HCRTR2: variants seen among roughly 807,000 people sequenced by gnomAD.
HCRTR2 encodes the protein orexin receptor type 2.
HCRTR2 carries 22 observed loss-of-function variants against 49.0 expected under a neutral mutation model. The observed-to-expected ratio is 0.45, with a 90% CI of 0.32 to 0.64. The LOEUF is 0.64. Among genes scored for constraint, HCRTR2 ranks in the 30% least tolerant of loss-of-function variants. The probability of loss-of-function intolerance (pLI) is 0.04; values close to 1 mark genes in which losing one functional copy is unlikely to be tolerated. For synonymous variants in HCRTR2, 236 were observed against 205.3 expected, an observed-to-expected ratio of 1.15 and a Z score of -1.28; for missense variants, 491 against 559.4, an observed-to-expected ratio of 0.88 and a Z score of 1.23.
At chr6:55,108,524 G>T (rs1488540102) in intron 1 of HCRTR2, among the ~76,000 whole-genome samples, 1 of 151,642 alleles carries the variant, frequency 6.6e-6, no homozygotes, top group African/African-American at 2.4e-5. Flanking sequence ...TCTAGGTAAG[G>T]TTAAATCCTT....
In HCRTR2 at chr6:55,251,520, T is replaced by A. The variant is rs73443257; in HGVS notation, c.402+2703T>A. ...AGCATTGGTTACTTTTTCAGAGTGATTTTTTTTAACTGCAGAAGACGCCCT... is the reference window on the plus strand; with the variant it reads ...AGCATTGGTTACTTTTTCAGAGTGAATTTTTTTAACTGCAGAAGACGCCCT... On this transcript the variant is annotated intron_variant, in intron 2 of 6. Transcript: ENST00000370862. Among the ~76,000 whole-genome samples the A allele has an allele frequency of 2.2e-3, 331 of 149,084 alleles. 1 individual carries two copies. Among genetic ancestry groups the A allele is most frequent in the African/African-American group, 7.9e-3 (308 of 38,824 alleles).
intron 1 of HCRTR2, among the ~76,000 whole-genome samples, chr6:55,181,978 A>G (rs755333119): frequency 2.6e-5 from 4 of 152,230 alleles, no homozygotes; most frequent in Non-Finnish European, 4.4e-5. Context: ...AGTCTTTTTC[A>G]GTAGACAGAA....
At chr6:55,226,723 T>G (rs943549724) in intron 1 of HCRTR2, among the ~76,000 whole-genome samples, 43 of 137,782 alleles carry the variant, frequency 3.1e-4, no homozygotes, top group Admixed American at 2.6e-3. Flanking sequence ...TTTTTTTTTT[T>G]TTTTTTTTTT....
chr6:55,183,601 A>G (rs1765169061), intron 1 of HCRTR2, among the ~76,000 whole-genome samples: 1 of 152,214 alleles, frequency 6.6e-6, no homozygotes, highest in African/African-American at 2.4e-5. Context: ...CCATGAGAGC[A>G]TTTTGAGGAA....
At chr6:55,121,123 C>A (rs563704905) in intron 1 of HCRTR2, among the ~76,000 whole-genome samples, 1 of 152,208 alleles carries the variant, frequency 6.6e-6, no homozygotes, top group Admixed American at 6.6e-5. Context: ...AATGTTCTTC[C>A]ATTTGTTTGT....
Position 55,248,788 on chromosome 6 carries a change from T to C in HCRTR2, c.373T>C (p.Ser125Pro), listed in dbSNP as rs1766493989. 6.2e-7 allele frequency: 1 copy of C among 1,613,316 alleles called. No homozygotes were observed. Among genetic ancestry groups the C allele is most frequent in the Non-Finnish European group, 8.5e-7 (1 of 1,179,482 alleles). Residue 125 changes from serine (S) to proline (P), a missense_variant, in exon 2 of 7, where the codon TCC becomes CCC. By Grantham distance (74) the Ser-to-Pro change is moderately conservative. Coordinates refer to ENST00000370862, the MANE Select transcript of HCRTR2 (RefSeq NM_001384272.1). Reference protein sequence around the residue: ...DITETWFFGQSLCKVIPYLQT... With the variant: ...DITETWFFGQPLCKVIPYLQT... ...CACTGAGACCTGGTTTTTTGGACAG[T>C]CCCTTTGCAAAGTGATTCCTTATCT...
chr6:55,244,553 C>A (rs1026761124), intron 1 of HCRTR2, among the ~76,000 whole-genome samples: 1 of 152,004 alleles, frequency 6.6e-6, no homozygotes, highest in East Asian at 1.9e-4. Flanking sequence ...GCTTATACTT[C>A]AGAGAAGCAC....
intron 1 of HCRTR2, among the ~76,000 whole-genome samples, chr6:55,138,907 A>G (rs1023445706): frequency 6.6e-6 from 1 of 152,236 alleles, no homozygotes; most frequent in African/African-American, 2.4e-5. Flanking sequence ...AATAAAGCAC[A>G]GTAACAGGAC....
chr6:55,142,201 AT>A (rs1004230733), intron 1 of HCRTR2, among the ~76,000 whole-genome samples: 99 of 146,144 alleles, frequency 6.8e-4, no homozygotes, highest in South Asian at 4.1e-3. Context: ...TTAAAAAAAA[AT>A]TTTTTTTTTT....
At chr6:55,153,199 C>T (rs1039671039) in intron 1 of HCRTR2, among the ~76,000 whole-genome samples, 2 of 152,118 alleles carry the variant, frequency 1.3e-5, no homozygotes, top group South Asian at 4.1e-4. Context: ...GCTCTCTGTT[C>T]TGTTCTATTG....
intron 1 of HCRTR2, among the ~76,000 whole-genome samples, chr6:55,200,235 TTGTGTGTGTGTGTG>T (rs34710192): frequency 2.1e-3 from 285 of 135,384 alleles, no homozygotes; most frequent in African/African-American, 6.3e-3. Flanking sequence ...GTTTGCTGTC[TTGTGTGTGTGTGTG>T]TGTGTGTGTG....
chr6:55,154,369 T>A (rs187716820), intron 1 of HCRTR2, among the ~76,000 whole-genome samples: 10 of 151,800 alleles, frequency 6.6e-5, no homozygotes, highest in African/African-American at 2.4e-4. Context: ...TATGCAAAAA[T>A]CCTCAGTAAA....
chr6:55,116,724 A>AAAAAAAAAAAC (rs372864594), intron 1 of HCRTR2, among the ~76,000 whole-genome samples: 1 of 144,156 alleles, frequency 6.9e-6, no homozygotes, highest in Admixed American at 7.0e-5. Context: ...AGAAAAAAAA[A>AAAAAAAAAAAC]AAAACTCTTA....
intron 1 of HCRTR2, among the ~76,000 whole-genome samples, chr6:55,121,248 A>T (rs1422742792): frequency 1.3e-5 from 2 of 151,984 alleles, no homozygotes; most frequent in Non-Finnish European, 1.5e-5. Context: ...TGTGAATGGG[A>T]GTTCACTCAT....
At chr6:55,209,167 G>T (rs1186671251) in intron 1 of HCRTR2, among the ~76,000 whole-genome samples, 3 of 152,072 alleles carry the variant, frequency 2.0e-5, no homozygotes, top group South Asian at 2.1e-4. Flanking sequence ...TATATTATTG[G>T]CATGCTTCAG....
chr6:55,210,497 T>C (rs1033646925), intron 1 of HCRTR2, among the ~76,000 whole-genome samples: 9 of 152,076 alleles, frequency 5.9e-5, no homozygotes, highest in Non-Finnish European at 1.3e-4. Flanking sequence ...AATTCAAAAG[T>C]GGTAACTCAT....
At chr6:55,185,124 A>G (rs1440590215) in intron 1 of HCRTR2, among the ~76,000 whole-genome samples, 1 of 152,232 alleles carries the variant, frequency 6.6e-6, no homozygotes, top group Non-Finnish European at 1.5e-5. Flanking sequence ...AAAAATAGAT[A>G]AAAACTTAGC....
chr6:55,193,543 T>C (rs1765357584), intron 1 of HCRTR2, among the ~76,000 whole-genome samples: 1 of 151,434 alleles, frequency 6.6e-6, no homozygotes, highest in East Asian at 1.9e-4. Flanking sequence ...TTTCTTTTTT[T>C]TTTTTTTCCT....
chr6:55,270,812 G>T (rs962480129), intron 4 of HCRTR2, among the ~76,000 whole-genome samples: 1 of 152,038 alleles, frequency 6.6e-6, no homozygotes, highest in East Asian at 1.9e-4. Flanking sequence ...AACACTTTTG[G>T]TCTCAAGAAT....
Sources: allele counts gnomAD v4.1 joint callset (sites outside exome capture counted in the v4.1 genomes callset), GRCh38; gene constraint gnomAD v4.1.1; transcripts MANE v1.5; gene names NCBI Gene and HGNC (gene_info 2026-07-23, HGNC 2026-07-21).